The following PPP3CA variants were observed in gnomAD, a reference collection of about 807,000 sequenced individuals.
PPP3CA encodes protein phosphatase 3 catalytic subunit alpha.
Under a neutral mutation model 66.5 loss-of-function variants are expected in PPP3CA, and 14 were observed. The ratio of observed to expected loss-of-function variants is 0.21; its 90% confidence interval spans 0.14 to 0.33. The LOEUF is 0.33. Ranked by LOEUF, PPP3CA falls within the 10% of genes least tolerant of loss-of-function variation. The pLI, the probability that PPP3CA is intolerant of heterozygous loss-of-function variation, is 1.00. For synonymous variants in PPP3CA, 232 were observed against 226.2 expected, an observed-to-expected ratio of 1.03 and a Z score of -0.23; for missense variants, 317 against 639.5, an observed-to-expected ratio of 0.50 and a Z score of 5.44.
intron 8 of PPP3CA, among the ~76,000 whole-genome samples, chr4:101,067,663 T>C (rs1728737868): frequency 7.8e-6 from 1 of 127,504 alleles, no homozygotes; most frequent in Non-Finnish European, 1.6e-5. Flanking sequence ...GAAAGGCCTG[T>C]TGTGGGGTGG....
intron 1 of PPP3CA, among the ~76,000 whole-genome samples, chr4:101,298,749 T>C (rs1203496852): frequency 6.6e-6 from 1 of 152,118 alleles, no homozygotes; most frequent in African/African-American, 2.4e-5. Flanking sequence ...AGGCTATTAG[T>C]AGTTAAGTCT....
rs1730040552 is a variant in PPP3CA at position 101,347,189 on chromosome 4, A to G, written c.-393T>C. ...ACCCAGCACCGCGGAATGGAGCCCC[A>G]CGCGCGCACACACGGCCAGGATTAA... On this transcript the variant is annotated 5_prime_UTR_variant, in exon 1 of 14. Transcript: ENST00000394854. The G allele has an allele frequency of 2.9e-6, 1 of 347,558 alleles. No individual in the cohort carries two copies. Among genetic ancestry groups the G allele is most frequent in the Non-Finnish European group, 5.4e-6 (1 of 186,228 alleles). The allele number at this position is 347,558 out of a possible 1,614,324, so 21.5% of individuals were successfully genotyped here. A position where few individuals can be genotyped will look rare whatever the true frequency, so the allele number is the denominator to read the frequency against.
chr4:101,320,486 G>T (rs1729007338), intron 1 of PPP3CA, among the ~76,000 whole-genome samples: 1 of 118,536 alleles, frequency 8.4e-6, no homozygotes. Context: ...GTGTGTGTGT[G>T]TGTGTATACA....
chr4:101,088,521 C>G (rs1439963254), intron 6 of PPP3CA, among the ~76,000 whole-genome samples: 1 of 139,936 alleles, frequency 7.1e-6, no homozygotes, highest in Admixed American at 7.7e-5. Flanking sequence ...GGAGGCAGAG[C>G]TTGCAGTGAG....
At chr4:101,273,732 A>G (rs1727405083) in intron 1 of PPP3CA, among the ~76,000 whole-genome samples, 1 of 152,250 alleles carries the variant, frequency 6.6e-6, no homozygotes. Flanking sequence ...ATATACATAA[A>G]TCCTCTAAGG....
chr4:101,068,377 A>G (rs546598759), intron 8 of PPP3CA, among the ~76,000 whole-genome samples: 1 of 152,292 alleles, frequency 6.6e-6, no homozygotes, highest in Non-Finnish European at 1.5e-5. Flanking sequence ...AAGGAGGCAT[A>G]ATGCCTTGGT....
chr4:101,159,461 G>A (rs1479532081), intron 2 of PPP3CA, among the ~76,000 whole-genome samples: 2 of 152,080 alleles, frequency 1.3e-5, no homozygotes, highest in Admixed American at 1.3e-4. Context: ...GAAGAGACCA[G>A]GGATTTTACA....
chr4:101,287,852 C>T (rs1349832539), intron 1 of PPP3CA, among the ~76,000 whole-genome samples: 1 of 151,004 alleles, frequency 6.6e-6, no homozygotes, highest in Non-Finnish European at 1.5e-5. Context: ...ATTTATATTG[C>T]TAATCAAAGG....
chr4:101,101,789 C>T (rs1730454193), intron 3 of PPP3CA, among the ~76,000 whole-genome samples: 1 of 152,104 alleles, frequency 6.6e-6, no homozygotes, highest in South Asian at 2.1e-4. Flanking sequence ...TCCTCCTAGT[C>T]AATATTCTTT....
chr4:101,195,733 T>C (rs560675564), intron 2 of PPP3CA, among the ~76,000 whole-genome samples, 183 bp downstream of exon 2: 10 of 152,346 alleles, frequency 6.6e-5, no homozygotes, highest in African/African-American at 2.4e-4. Flanking sequence ...TTACAGATAT[T>C]TAACACATGA....
intron 1 of PPP3CA, among the ~76,000 whole-genome samples, chr4:101,234,899 T>C (rs1048598580): frequency 6.6e-6 from 1 of 151,806 alleles, no homozygotes; most frequent in Non-Finnish European, 1.5e-5. Context: ...GTCTGAATAT[T>C]ATTCTAAAAT....
At chr4:101,174,938 T>G (rs78325410) in intron 2 of PPP3CA, among the ~76,000 whole-genome samples, 2 of 152,160 alleles carry the variant, frequency 1.3e-5, no homozygotes, top group Admixed American at 6.5e-5. Context: ...CAGAGCTGGG[T>G]TGAATCCAGG....
chr4:101,063,376 G>C lies in PPP3CA; in HGVS notation c.956-19C>G. ...ACTGCAGCTAAAAATAACCAAAAGA[G>C]GATGTTAGGAACACAGAACATATTT... On this transcript the variant is annotated intron_variant, in intron 8 of 13. Transcript: ENST00000394854. 6.3e-7 allele frequency: 1 copy of C among 1,598,400 alleles called. No homozygotes were observed. The highest frequency in any genetic ancestry group is 8.5e-7 in the Non-Finnish European group (1 of 1,172,156).
At chr4:101,227,384 C>A (rs927835690) in intron 1 of PPP3CA, among the ~76,000 whole-genome samples, 4 of 151,586 alleles carry the variant, frequency 2.6e-5, no homozygotes, top group Admixed American at 6.6e-5. Context: ...TATAGGAGTA[C>A]AATTGTTGAT....
intron 8 of PPP3CA, among the ~76,000 whole-genome samples, chr4:101,073,013 G>T (rs1454942898): frequency 2.7e-5 from 4 of 150,706 alleles, no homozygotes; most frequent in Non-Finnish European, 5.9e-5. Flanking sequence ...AATGGTAAAT[G>T]AAATTAATAT....
intron 2 of PPP3CA, among the ~76,000 whole-genome samples, chr4:101,116,691 T>A (rs1184768463): frequency 6.6e-6 from 1 of 151,916 alleles, no homozygotes; most frequent in Non-Finnish European, 1.5e-5. Flanking sequence ...TTACAGCATT[T>A]GCTTATATCT....
Position 101,045,552 on chromosome 4 carries a change from A to T in PPP3CA, c.1157-4986T>A, listed in dbSNP as rs144664539. On this transcript the variant is annotated intron_variant, in intron 10 of 13. Coordinates refer to ENST00000394854, the MANE Select transcript of PPP3CA (RefSeq NM_000944.5). ...TAAACGCCAAAAAGAAAGAAGAATG[A>T]CATTCTCCATAGAGATTTTTTAAAT... Among the ~76,000 whole-genome samples the T allele has an allele frequency of 3.9e-5, 6 of 152,328 alleles. No individual in the cohort carries two copies. The East Asian group carries it at 1.2e-3, about 29-fold the overall frequency.
chr4:101,251,371 AC>A (rs142879015), intron 1 of PPP3CA, among the ~76,000 whole-genome samples: 1,937 of 152,230 alleles, frequency 0.013, 32 homozygotes, highest in African/African-American at 0.043. Flanking sequence ...TTTGCTAATC[AC>A]AAAACTCAAC....
At chr4:101,139,347 CAAA>C (rs56658441) in intron 2 of PPP3CA, among the ~76,000 whole-genome samples, 1,453 of 96,712 alleles carry the variant, frequency 0.015, 21 homozygotes, top group African/African-American at 0.05. Flanking sequence ...GACTCCGTCT[CAAA>C]AAAAAAAAAA....
Sources: allele counts gnomAD v4.1 joint callset (sites outside exome capture counted in the v4.1 genomes callset), GRCh38; gene constraint gnomAD v4.1.1; transcripts MANE v1.5; gene names NCBI Gene and HGNC (gene_info 2026-07-23, HGNC 2026-07-21).